The following SHANK2 variants were observed in gnomAD, a reference collection of about 807,000 sequenced individuals.
SHANK2 encodes SH3 and multiple ankyrin repeat domains protein 2.
Under a neutral mutation model 133.7 loss-of-function variants are expected in SHANK2, and 43 were observed. That is an observed-to-expected ratio of 0.32 (90% CI 0.25 to 0.41). SHANK2 has a LOEUF of 0.41. SHANK2 is among the 10% of genes least tolerant of loss of function. SHANK2 has a pLI of 1.00. For missense variants in SHANK2, 1,994 were observed against 2,235.8 expected, an observed-to-expected ratio of 0.89 and a Z score of 2.18; for synonymous variants, 1,017 against 952.8, an observed-to-expected ratio of 1.07 and a Z score of -1.24.
At chr11:71,195,558 T>C (rs1375598119) in intron 2 of SHANK2, among the ~76,000 whole-genome samples, 3 of 152,198 alleles carry the variant, frequency 2.0e-5, no homozygotes, top group Non-Finnish European at 4.4e-5. Flanking sequence ...TTCAGTATAT[T>C]GCAATTAATA....
intron 17 of SHANK2, among the ~76,000 whole-genome samples, chr11:70,583,301 C>T (rs372356770): frequency 8.5e-5 from 13 of 152,084 alleles, no homozygotes; most frequent in African/African-American, 2.2e-4. Flanking sequence ...GAGCATGTGG[C>T]GAGAAGGTGA....
chr11:70,757,774 C>T (rs1420845995), intron 14 of SHANK2, among the ~76,000 whole-genome samples: 2 of 152,166 alleles, frequency 1.3e-5, no homozygotes, highest in Non-Finnish European at 2.9e-5. Context: ...CCTGCGAGTC[C>T]TTCCAGAGGA....
At chr11:71,160,799 G>A (rs1399621017) in intron 2 of SHANK2, among the ~76,000 whole-genome samples, 1 of 152,128 alleles carries the variant, frequency 6.6e-6, no homozygotes, top group East Asian at 1.9e-4. Flanking sequence ...GCAGAAACCA[G>A]GAAAATCCCT....
intron 17 of SHANK2, chr11:70,634,464 T>C (rs782088566): frequency 6.6e-6 from 1 of 152,104 alleles, no homozygotes; most frequent in African/African-American, 2.4e-5. Flanking sequence ...AGCTAAAGAA[T>C]GGGAGGAAAT....
At chr11:70,805,493 C>G (rs944598129) in intron 13 of SHANK2, among the ~76,000 whole-genome samples, 2 of 152,358 alleles carry the variant, frequency 1.3e-5, no homozygotes, top group South Asian at 2.1e-4. Context: ...CTTGCTCCCC[C>G]ACTGCGGGGC....
intron 10 of SHANK2, among the ~76,000 whole-genome samples, chr11:70,916,115 C>T (rs1555079828): frequency 6.6e-6 from 1 of 152,196 alleles, no homozygotes; most frequent in Non-Finnish European, 1.5e-5. Context: ...TTACCACCTT[C>T]TTTCAGTGGT....
At chr11:70,736,278 T>A (rs1174809367) in intron 14 of SHANK2, among the ~76,000 whole-genome samples, 2 of 152,130 alleles carry the variant, frequency 1.3e-5, no homozygotes, top group Non-Finnish European at 2.9e-5. Flanking sequence ...GTTGTGAGGA[T>A]GTAACTGTGT....
intron 17 of SHANK2, among the ~76,000 whole-genome samples, chr11:70,636,925 T>C (rs554196557): frequency 9.8e-5 from 15 of 152,304 alleles, no homozygotes; most frequent in African/African-American, 2.9e-4. Context: ...TACCGTTTCC[T>C]GGGGTTGTCA....
intron 17 of SHANK2, among the ~76,000 whole-genome samples, chr11:70,641,119 G>A (rs1318672349): frequency 2.9e-5 from 4 of 138,818 alleles, no homozygotes; most frequent in African/African-American, 8.1e-5. Context: ...TTTTTGAGAC[G>A]AAGTCTTGCT....
At chr11:71,204,978 G>A (rs1478262447) in intron 2 of SHANK2, among the ~76,000 whole-genome samples, 3 of 152,216 alleles carry the variant, frequency 2.0e-5, no homozygotes, top group South Asian at 4.1e-4. Flanking sequence ...CTTGGGTGAT[G>A]TCAGCCTGGC....
At chr11:70,489,576 G>GCCAC in intron 23 of SHANK2, 2 of 585,082 alleles carry the variant, frequency 3.4e-6, no homozygotes, top group Non-Finnish European at 6.1e-6. Context: ...GTGCCCCTGG[G>GCCAC]GTGGGCTGGG....
intron 9 of SHANK2, among the ~76,000 whole-genome samples, chr11:71,064,751 G>A (rs1951027840): frequency 6.6e-6 from 1 of 152,120 alleles, no homozygotes; most frequent in Non-Finnish European, 1.5e-5. Context: ...GAGAGGGACG[G>A]TGAGAAACAG....
intron 2 of SHANK2, among the ~76,000 whole-genome samples, chr11:71,183,241 G>A (rs968625621): frequency 3.9e-5 from 6 of 152,196 alleles, no homozygotes; most frequent in African/African-American, 1.4e-4. Flanking sequence ...AAGTGATGGA[G>A]GGACAAGGGG....
chr11:70,506,331 A>G (rs1397275096), intron 17 of SHANK2, among the ~76,000 whole-genome samples: 5 of 151,712 alleles, frequency 3.3e-5, no homozygotes, highest in African/African-American at 1.2e-4. Flanking sequence ...TTCCCACCCA[A>G]CTCCTAATCA....
intron 10 of SHANK2, among the ~76,000 whole-genome samples, chr11:70,925,466 T>C (rs1555081415): frequency 9.9e-5 from 15 of 152,194 alleles, no homozygotes. Context: ...CCCCACCCCA[T>C]GTGTCCATAA....
At chr11:71,178,770 G>A (rs1555113403) in intron 2 of SHANK2, among the ~76,000 whole-genome samples, 1 of 152,160 alleles carries the variant, frequency 6.6e-6, no homozygotes, top group East Asian at 1.9e-4. Context: ...GATCACTTGA[G>A]CCCAGGAGTT....
intron 3 of SHANK2, among the ~76,000 whole-genome samples, chr11:71,126,708 C>T (rs1205997668): frequency 2.0e-5 from 3 of 151,310 alleles, no homozygotes; most frequent in Non-Finnish European, 4.4e-5. Context: ...GAAGTTGATT[C>T]CAACCCTCAT....
At chr11:71,081,277 T>G (rs1343419375) in intron 8 of SHANK2, among the ~76,000 whole-genome samples, 3 of 152,178 alleles carry the variant, frequency 2.0e-5, no homozygotes, top group Non-Finnish European at 4.4e-5. Flanking sequence ...AGATAATGAA[T>G]GTCTATTGTT....
intron 14 of SHANK2, among the ~76,000 whole-genome samples, chr11:70,729,524 TCA>T (rs1555031544): frequency 6.6e-6 from 1 of 150,732 alleles, no homozygotes; most frequent in African/African-American, 2.4e-5. Flanking sequence ...TGTACTTTCT[TCA>T]TTTTTTTTTT....
Sources: gnomAD v4.1 joint callset for allele counts (sites outside exome capture counted in the v4.1 genomes callset) on GRCh38, gnomAD v4.1.1 for gene constraint, MANE v1.5 for transcripts, NCBI Gene and HGNC (gene_info 2026-07-23, HGNC 2026-07-21) for gene names.